The following MAPKAPK5 variants were observed in gnomAD, a reference collection of about 807,000 sequenced individuals.
MAPKAPK5 encodes MAPK activated protein kinase 5.
In MAPKAPK5, 30 loss-of-function variants were observed where a neutral mutation model predicts 65.1. That is an observed-to-expected ratio of 0.46 (90% CI 0.34 to 0.63). MAPKAPK5 has a LOEUF of 0.63. Among genes scored for constraint, MAPKAPK5 ranks in the 20% least tolerant of loss-of-function variants. The pLI is 0.01. For missense variants in MAPKAPK5, 433 were observed against 581.4 expected, an observed-to-expected ratio of 0.74 and a Z score of 2.63; for synonymous variants, 179 against 204.6, an observed-to-expected ratio of 0.87 and a Z score of 1.07.
Position 111,846,385 on chromosome 12 carries a change from C to T in MAPKAPK5, c.36+3616C>T, listed in dbSNP as rs186900317. On this transcript the variant is annotated intron_variant, in intron 1 of 13. Coordinates refer to ENST00000550735, the MANE Select transcript of MAPKAPK5 (RefSeq NM_003668.4). ...GTGGGTTGATTGGACTTTAAGATCT[C>T]ATCCTCCCTTATCCACGGTTTTGCT... Among the ~76,000 whole-genome samples, 144 of 152,312 alleles carry T rather than the reference C, an allele frequency of 9.5e-4. 2 individuals carry two copies. The highest frequency in any genetic ancestry group is 8.6e-3 in the Admixed American group (132 of 15,302).
chr12:111,876,640 C>G (rs2069983374), intron 7 of MAPKAPK5, among the ~76,000 whole-genome samples: 2 of 152,128 alleles, frequency 1.3e-5, no homozygotes, highest in Non-Finnish European at 2.9e-5. Flanking sequence ...AACGATTTTT[C>G]TACTCCTCTA....
rs1234377546 is a variant in MAPKAPK5, at chr12:111,895,920, G to C, written c.*2859G>C. 1 of 152,178 alleles carries C rather than the reference G, an allele frequency of 6.6e-6. No homozygotes were observed. Among genetic ancestry groups the C allele is most frequent in the Non-Finnish European group, 1.5e-5 (1 of 68,034 alleles). The allele number at this position is 152,178 out of a possible 1,614,324, so 9.4% of individuals were successfully genotyped here. A position where few individuals can be genotyped will look rare whatever the true frequency, so the allele number is the denominator to read the frequency against. ...TGACCAGAAAACTTGACTGAGAGTT[G>C]AATTAAGTGCCTGTTGTTGTGTTTT... On this transcript the variant is annotated 3_prime_UTR_variant, in exon 14 of 14. Transcript: ENST00000550735.
intron 1 of MAPKAPK5, among the ~76,000 whole-genome samples, chr12:111,863,250 G>A (rs1288360672): frequency 6.6e-6 from 1 of 152,148 alleles, no homozygotes. Context: ...TTTGTATAGC[G>A]ATCTTTTGGG....
intron 1 of MAPKAPK5, among the ~76,000 whole-genome samples, chr12:111,847,385 T>A (rs570073938): frequency 6.6e-5 from 10 of 151,462 alleles, no homozygotes; most frequent in Non-Finnish European, 5.9e-5. Flanking sequence ...CAAATGGCTG[T>A]AAGTGGAGGC....
intron 9 of MAPKAPK5, 64 bp from the exon 10 acceptor site, chr12:111,885,852 G>A (rs1449644092): frequency 1.2e-6 from 2 of 1,607,706 alleles, no homozygotes; most frequent in African/African-American, 1.3e-5. Context: ...GCCAGGTCCA[G>A]GAACTTCCTA....
chr12:111,876,205 C>CA (rs751802746), intron 7 of MAPKAPK5, among the ~76,000 whole-genome samples: 5,896 of 42,208 alleles, frequency 0.14, 831 homozygotes, highest in East Asian at 0.65. Flanking sequence ...GACTCCATCT[C>CA]AAAAAAAAAA....
rs559575646 is a variant in MAPKAPK5, at chr12:111,896,601, A to G, written c.*3540A>G. ...ATATTTTTTGGCCTAACAAACACCT[A>G]TACCTGTGGAAACATAACACTGTAA... On this transcript the variant is annotated 3_prime_UTR_variant, in exon 14 of 14. Coordinates refer to ENST00000550735, the MANE Select transcript of MAPKAPK5 (RefSeq NM_003668.4). The G allele has an allele frequency of 2.0e-5, 3 of 152,238 alleles. No homozygotes were observed. The highest frequency in any genetic ancestry group is 4.4e-5 in the Non-Finnish European group (3 of 68,044). 9.4% of individuals were successfully genotyped at this position (152,238 alleles called of 1,614,324 possible).
intron 1 of MAPKAPK5, among the ~76,000 whole-genome samples, 179 bp from the exon 2 acceptor site, chr12:111,865,070 CT>C (rs1420762199): frequency 6.6e-6 from 1 of 152,172 alleles, no homozygotes; most frequent in Non-Finnish European, 1.5e-5. Flanking sequence ...GAAACAATGT[CT>C]GAGTCATTGT....
intron 1 of MAPKAPK5, among the ~76,000 whole-genome samples, chr12:111,845,695 G>A (rs2068885788): frequency 6.6e-6 from 1 of 152,270 alleles, no homozygotes; most frequent in Admixed American, 6.5e-5. Context: ...GCCTAGGCGG[G>A]CGGATCACCT....
At chr12:111,866,345 C>A in intron 3 of MAPKAPK5, 114 bp downstream of exon 3, 1 of 794,798 alleles carries the variant, frequency 1.3e-6, no homozygotes, top group Non-Finnish European at 2.0e-6. Flanking sequence ...GTTTTATGTC[C>A]AAACTTTACC....
chr12:111,881,038 T>A (rs2136136727), intron 8 of MAPKAPK5, among the ~76,000 whole-genome samples: 1 of 152,332 alleles, frequency 6.6e-6, no homozygotes, highest in South Asian at 2.1e-4. Flanking sequence ...TAAGTGTTAC[T>A]TGGTAATATT....
chr12:111,880,546 C>T lies in MAPKAPK5; in HGVS notation c.660+19C>T. ...CAACAAGGTACAGGAAGAGATATTT[C>T]TCTTCATTTGACAGATGCAGCCCCT... On this transcript the variant is annotated intron_variant, in intron 8 of 13. Coordinates refer to ENST00000550735, the MANE Select transcript of MAPKAPK5 (RefSeq NM_003668.4). The T allele has an allele frequency of 6.2e-7, 1 of 1,609,590 alleles. No homozygotes were observed. The highest frequency in any genetic ancestry group is 8.5e-7 in the Non-Finnish European group (1 of 1,176,158).
chr12:111,860,193 CCT>C (rs1042573698), intron 1 of MAPKAPK5, among the ~76,000 whole-genome samples: 2 of 152,144 alleles, frequency 1.3e-5, no homozygotes, highest in African/African-American at 4.8e-5. Context: ...ACTTTCAGCC[CCT>C]GAGGCTTTTA....
Position 111,847,762 on chromosome 12 carries a change from C to G in MAPKAPK5, c.36+4993C>G, listed in dbSNP as rs563872668. Among the ~76,000 whole-genome samples the G allele has an allele frequency of 1.1e-4, 16 of 152,302 alleles. No homozygotes were observed. In the South Asian group the frequency reaches 3.3e-3, roughly 32 times the overall value. ...ATATTTCCATCCCTGCTAGAAAGTT[C>G]CTTCTGCCTGGTTGCAGTCAGCCCT... On this transcript the variant is annotated intron_variant, in intron 1 of 13. Transcript: ENST00000550735.
Position 111,866,238 on chromosome 12 carries a change from T to C in MAPKAPK5, c.186+7T>C, listed in dbSNP as rs926528824. On this transcript the variant is annotated splice_region_variant and intron_variant, in intron 3 of 13. Transcript: ENST00000550735. ...TCCAAAAGCTAGAAATGAGGTATGC[T>C]TTATTGCCTCGACTTAATTAAATAG... The C allele has an allele frequency of 3.1e-6, 5 of 1,607,470 alleles. No homozygotes were observed. Among genetic ancestry groups the C allele is most frequent in the Non-Finnish European group, 4.2e-6 (5 of 1,176,732 alleles).
chr12:111,881,403 CT>C (rs61349417), intron 8 of MAPKAPK5, among the ~76,000 whole-genome samples: 28,340 of 110,486 alleles, frequency 0.26, 3,987 homozygotes, highest in Non-Finnish European at 0.38. Context: ...CTGTCTGTTC[CT>C]TTTTTTTTTT....
chr12:111,872,679 T>C (rs1353620892), intron 7 of MAPKAPK5, among the ~76,000 whole-genome samples: 1 of 152,182 alleles, frequency 6.6e-6, no homozygotes, highest in East Asian at 1.9e-4. Context: ...TCTGGAGGCA[T>C]TTCTTGCCTT....
rs556519367 is a variant in MAPKAPK5 at position 111,858,830 on chromosome 12, C to T, written c.37-6420C>T. Among the ~76,000 whole-genome samples, 13 of 146,976 alleles carry T rather than the reference C, an allele frequency of 8.8e-5. 1 individual carries two copies. The highest frequency in any genetic ancestry group is 2.3e-4 in the South Asian group (1 of 4,426). On this transcript the variant is annotated intron_variant, in intron 1 of 13. Transcript: ENST00000550735. ...TGCTGGGATTACAGGCGTGAGCCAC[C>T]GTGCTCAGCCTGTTGAGCACCTCTG...
intron 13 of MAPKAPK5, among the ~76,000 whole-genome samples, chr12:111,892,473 T>G (rs138831700): frequency 1.1e-3 from 163 of 152,338 alleles, no homozygotes; most frequent in African/African-American, 3.7e-3. Context: ...ATCTTCGTTA[T>G]CCTGGTTAGT....
Sources: allele counts gnomAD v4.1 joint callset (sites outside exome capture counted in the v4.1 genomes callset), GRCh38; gene constraint gnomAD v4.1.1; transcripts MANE v1.5; gene names NCBI Gene and HGNC (gene_info 2026-07-23, HGNC 2026-07-21).